The following TNIK variants were observed in gnomAD, a reference collection of about 807,000 sequenced individuals.
The protein encoded by TNIK is TRAF2 and NCK interacting kinase, also known as TRAF2 and NCK-interacting protein kinase.
Under a neutral mutation model 191.3 loss-of-function variants are expected in TNIK, and 49 were observed. The observed-to-expected ratio is 0.26, with a 90% CI of 0.20 to 0.32. The LOEUF is 0.32. Among genes scored for constraint, TNIK ranks in the 10% least tolerant of loss-of-function variants. TNIK has a pLI of 1.00. For synonymous variants in TNIK, 594 were observed against 600.9 expected, an observed-to-expected ratio of 0.99 and a Z score of 0.17; for missense variants, 1,155 against 1,702.3, an observed-to-expected ratio of 0.68 and a Z score of 5.66.
At chr3:171,107,993 C>T in intron 20 of TNIK, 72 bp downstream of exon 20, 1 of 1,474,212 alleles carries the variant, frequency 6.8e-7, no homozygotes. Context: ...ATGAGTGTAT[C>T]CCCAACTACT....
intron 2 of TNIK, among the ~76,000 whole-genome samples, chr3:171,363,437 G>A (rs1559977125): frequency 1.3e-5 from 2 of 152,108 alleles, no homozygotes. Context: ...CCCATACAAA[G>A]CACAGGGCTT....
At chr3:171,196,565 T>C (rs1049423236) in intron 4 of TNIK, among the ~76,000 whole-genome samples, 2 of 152,104 alleles carry the variant, frequency 1.3e-5, no homozygotes, top group African/African-American at 4.8e-5. Context: ...CAAAGAGTTT[T>C]TTCAACACAT....
At chr3:171,457,946 C>A (rs548841802) in intron 1 of TNIK, among the ~76,000 whole-genome samples, 2 of 152,336 alleles carry the variant, frequency 1.3e-5, no homozygotes, top group Admixed American at 6.5e-5. Context: ...GGGCCCTCAC[C>A]GGTTGCTCCC....
At chr3:171,402,202 A>G (rs1170931014) in intron 1 of TNIK, among the ~76,000 whole-genome samples, 1 of 152,230 alleles carries the variant, frequency 6.6e-6, no homozygotes. Flanking sequence ...AATGGAAAAT[A>G]ATGCTCTCTT....
intron 1 of TNIK, among the ~76,000 whole-genome samples, chr3:171,459,695 C>CAT (rs1178216489): frequency 6.6e-6 from 1 of 151,810 alleles, no homozygotes; most frequent in Non-Finnish European, 1.5e-5. Context: ...CACACACACA[C>CAT]ACACACACGC....
intron 2 of TNIK, among the ~76,000 whole-genome samples, chr3:171,248,193 G>A (rs1300888346): frequency 6.6e-6 from 1 of 152,208 alleles, no homozygotes; most frequent in Non-Finnish European, 1.5e-5. Flanking sequence ...AATGGCTCCA[G>A]TTTTTCTAAA....
intron 4 of TNIK, among the ~76,000 whole-genome samples, chr3:171,210,126 C>T (rs938121221): frequency 4.6e-5 from 7 of 151,988 alleles, no homozygotes; most frequent in Admixed American, 3.3e-4. Flanking sequence ...AATATAACAA[C>T]GACATGTGGG....
intron 3 of TNIK, among the ~76,000 whole-genome samples, chr3:171,226,321 C>A (rs1345284587): frequency 1.3e-5 from 2 of 152,146 alleles, no homozygotes; most frequent in East Asian, 3.8e-4. Flanking sequence ...CCCCTGCTCT[C>A]CCTTTTTTGC....
chr3:171,245,042 T>C (rs951127121), intron 2 of TNIK, among the ~76,000 whole-genome samples: 1 of 152,146 alleles, frequency 6.6e-6, no homozygotes, highest in African/African-American at 2.4e-5. Flanking sequence ...GCCAATACTC[T>C]TAGAAACCCT....
At chr3:171,258,338 G>A (rs1560332389) in intron 2 of TNIK, among the ~76,000 whole-genome samples, 1 of 152,296 alleles carries the variant, frequency 6.6e-6, no homozygotes, top group East Asian at 1.9e-4. Context: ...AATCTTTAAA[G>A]AGCTACACTA....
intron 4 of TNIK, 48 bp downstream of exon 4, chr3:171,211,068 G>A (rs994272491): frequency 2.9e-5 from 47 of 1,597,754 alleles, no homozygotes; most frequent in African/African-American, 1.5e-4. Flanking sequence ...CCATTTGGCC[G>A]TGTTTGTTTT....
chr3:171,106,798 G>A (rs763550951), intron 21 of TNIK: 7 of 533,562 alleles, frequency 1.3e-5, no homozygotes, highest in Non-Finnish European at 2.3e-5. Context: ...CTCTAAATTT[G>A]GAGTGTCCTA....
chr3:171,250,076 C>T (rs1387031706), intron 2 of TNIK, among the ~76,000 whole-genome samples: 1 of 152,200 alleles, frequency 6.6e-6, no homozygotes, highest in Non-Finnish European at 1.5e-5. Context: ...CATGCTTCTG[C>T]CTTTGTTACT....
chr3:171,312,354 C>T (rs6782645), intron 2 of TNIK, among the ~76,000 whole-genome samples: 54,241 of 151,582 alleles, frequency 0.36, 10,283 homozygotes, highest in Non-Finnish European at 0.42. Flanking sequence ...TTCTATGTAA[C>T]TATATGTAGT....
At chr3:171,203,470 G>C (rs986164329) in intron 4 of TNIK, among the ~76,000 whole-genome samples, 1 of 152,146 alleles carries the variant, frequency 6.6e-6, no homozygotes, top group African/African-American at 2.4e-5. Flanking sequence ...TAAACAGCTG[G>C]TACACTGCTC....
chr3:171,414,209 G>C lies in TNIK; in HGVS notation c.58-44524C>G, dbSNP rs114112801. ...ATCGAAACTCAAGATTCCCCAGATA[G>C]GGTCTCACACAGAGCATGCTGATTT... On this transcript the variant is annotated intron_variant, in intron 1 of 32. Coordinates refer to ENST00000436636, the MANE Select transcript of TNIK (RefSeq NM_015028.4). 1.2e-3 allele frequency among the ~76,000 whole-genome samples: 186 copies of C among 152,318 alleles called. 4 individuals are homozygous for C. The highest frequency in any genetic ancestry group is 4.4e-3 in the African/African-American group (181 of 41,576).
At chr3:171,257,639 C>T (rs1747052256) in intron 2 of TNIK, among the ~76,000 whole-genome samples, 1 of 152,152 alleles carries the variant, frequency 6.6e-6, no homozygotes, top group South Asian at 2.1e-4. Context: ...AGAACCCATG[C>T]CACTTTCAAA....
rs542753390 is a variant in TNIK, at chr3:171,447,198, CAAAT to C, written c.57+12805_57+12808del. ...AGAGCTAGACTCCATCTCAAACAAA[CAAAT>C]AAATAAATAAATAAACAAACAAACA... On this transcript the variant is annotated intron_variant, in intron 1 of 32. Transcript: ENST00000436636. Among the ~76,000 whole-genome samples, 35 of 150,688 alleles carry C rather than the reference CAAAT, an allele frequency of 2.3e-4. 1 individual carries two copies. In the South Asian group the frequency reaches 5.2e-3, roughly 23 times the overall value.
At position 171,160,582 on chromosome 3, in the gene TNIK, C is replaced by T. The variant is rs188781457; in HGVS notation, c.1016+688G>A. 1.4e-4 allele frequency among the ~76,000 whole-genome samples: 21 copies of T among 151,960 alleles called. No homozygotes were observed. In the East Asian group the frequency reaches 1.6e-3, roughly 11 times the overall value. On this transcript the variant is annotated intron_variant, in intron 11 of 32. Transcript: ENST00000436636. ...CCTCCTTGACTCAACAAGCTGAATT[C>T]GCTCACCAAAGAGATATCCTGGCAG...
Sources: allele counts gnomAD v4.1 joint callset (sites outside exome capture counted in the v4.1 genomes callset), GRCh38; gene constraint gnomAD v4.1.1; transcripts MANE v1.5; gene names NCBI Gene and HGNC (gene_info 2026-07-23, HGNC 2026-07-21).